PLCL1: variants seen among roughly 807,000 people sequenced by gnomAD.
PLCL1 encodes inactive phospholipase C-like protein 1.
In PLCL1, 41 loss-of-function variants were observed where a neutral mutation model predicts 84.4. The ratio of observed to expected loss-of-function variants is 0.49; its 90% confidence interval spans 0.38 to 0.63. The LOEUF is 0.63. Among genes scored for constraint, PLCL1 ranks in the 30% least tolerant of loss-of-function variants. The pLI is 0.00. For missense variants in PLCL1, 1,206 were observed against 1,367.8 expected (o/e 0.88, Z 1.87); for synonymous variants, 490 against 488.3 (o/e 1.00, Z -0.05).
intron 1 of PLCL1, among the ~76,000 whole-genome samples, chr2:197,827,855 A>G (rs1690966560): frequency 6.6e-6 from 1 of 152,200 alleles, no homozygotes; most frequent in Non-Finnish European, 1.5e-5. Context: ...TCAATGGAAT[A>G]TGATGACTCA....
chr2:198,049,951 A>G (rs574959040), intron 1 of PLCL1, among the ~76,000 whole-genome samples: 1 of 152,234 alleles, frequency 6.6e-6, no homozygotes, highest in Non-Finnish European at 1.5e-5. Context: ...GGGCACATCT[A>G]TCACCCATGG....
chr2:197,858,756 T>A (rs1687377021), intron 1 of PLCL1, among the ~76,000 whole-genome samples: 2 of 152,176 alleles, frequency 1.3e-5, no homozygotes, highest in African/African-American at 4.8e-5. Flanking sequence ...GTAACTATTT[T>A]ATTTGTTCAC....
chr2:197,941,244 C>T (rs1689152815), intron 1 of PLCL1, among the ~76,000 whole-genome samples: 1 of 151,860 alleles, frequency 6.6e-6, no homozygotes, highest in Non-Finnish European at 1.5e-5. Context: ...ACCTGGGAAG[C>T]AAGTGCCCCC....
intron 1 of PLCL1, among the ~76,000 whole-genome samples, chr2:197,976,878 T>C (rs1689992017): frequency 6.6e-6 from 1 of 152,234 alleles, no homozygotes; most frequent in Admixed American, 6.5e-5. Flanking sequence ...TCTGCCTCTT[T>C]GCAATCTTCT....
chr2:198,132,748 GT>G (rs1464030113), intron 5 of PLCL1, among the ~76,000 whole-genome samples: 1 of 152,006 alleles, frequency 6.6e-6, no homozygotes, highest in Non-Finnish European at 1.5e-5. Flanking sequence ...AGATGAGTAG[GT>G]TGCGAAAATT....
chr2:197,864,943 C>G lies in PLCL1; in HGVS notation c.240+59604C>G, dbSNP rs1474495469. Among the ~76,000 whole-genome samples the G allele has an allele frequency of 2.0e-5, 3 of 152,268 alleles. No homozygotes were observed. The East Asian group carries it at 5.8e-4, about 29-fold the overall frequency. On this transcript the variant is annotated intron_variant, in intron 1 of 5. Transcript: ENST00000428675. ...TGAATGCTCTTAATACTAATTTCACCTTGATCTAAGCCACTTTATATTAAA... is the reference window on the plus strand; with the variant it reads ...TGAATGCTCTTAATACTAATTTCACGTTGATCTAAGCCACTTTATATTAAA...
intron 1 of PLCL1, among the ~76,000 whole-genome samples, chr2:197,870,429 A>G (rs1205733838): frequency 1.3e-5 from 2 of 151,824 alleles, no homozygotes; most frequent in East Asian, 3.9e-4. Context: ...AGTCCCACCC[A>G]CCCAAGACCC....
intron 1 of PLCL1, among the ~76,000 whole-genome samples, chr2:197,948,501 G>A (rs912642004): frequency 1.1e-4 from 16 of 151,890 alleles, no homozygotes; most frequent in Non-Finnish European, 1.3e-4. Flanking sequence ...CCTGTAATGT[G>A]TGGCTTAATT....
chr2:197,939,724 T>A (rs1689120312), intron 1 of PLCL1, among the ~76,000 whole-genome samples: 1 of 150,468 alleles, frequency 6.6e-6, no homozygotes, highest in Admixed American at 6.7e-5. Context: ...AGACTTTTTT[T>A]TTTTTTTTTT....
chr2:197,989,815 T>G (rs901959332), intron 1 of PLCL1, among the ~76,000 whole-genome samples: 9 of 152,226 alleles, frequency 5.9e-5, no homozygotes, highest in Admixed American at 1.3e-4. Context: ...GAAAACAGCT[T>G]GCTCAGGAGA....
chr2:197,920,020 C>T (rs1250412311), intron 1 of PLCL1, among the ~76,000 whole-genome samples: 2 of 152,014 alleles, frequency 1.3e-5, no homozygotes, highest in African/African-American at 2.4e-5. Context: ...TAATGCCTAG[C>T]CATAGGGTGG....
chr2:198,093,434 A>G (rs1693102030), intron 3 of PLCL1, among the ~76,000 whole-genome samples: 1 of 152,168 alleles, frequency 6.6e-6, no homozygotes, highest in South Asian at 2.1e-4. Flanking sequence ...TTTACTTTTT[A>G]TGCAAACTTG....
At chr2:197,956,781 T>C (rs760836427) in intron 1 of PLCL1, among the ~76,000 whole-genome samples, 16 of 152,268 alleles carry the variant, frequency 1.1e-4, no homozygotes, top group Non-Finnish European at 2.2e-4. Context: ...TGTTTTTTTC[T>C]TGTAAATTTG....
intron 1 of PLCL1, among the ~76,000 whole-genome samples, chr2:198,034,523 C>T (rs566357242): frequency 2.6e-5 from 4 of 152,290 alleles, no homozygotes; most frequent in East Asian, 3.9e-4. Flanking sequence ...GGCACATATA[C>T]ACCATGAAAT....
intron 1 of PLCL1, among the ~76,000 whole-genome samples, chr2:197,822,995 C>T (rs1384491091): frequency 1.3e-5 from 2 of 152,138 alleles, no homozygotes; most frequent in Non-Finnish European, 1.5e-5. Flanking sequence ...TGTATAAAGC[C>T]GTTGTACTTT....
chr2:197,914,113 G>A lies in PLCL1; in HGVS notation c.240+108774G>A, dbSNP rs139140725. On this transcript the variant is annotated intron_variant, in intron 1 of 5. Transcript: ENST00000428675. ...GATAGTGTGGTCTTTCTGATTAAAT[G>A]TTAGCTAACCATCCCAGGAGTATGG... Among the ~76,000 whole-genome samples the A allele has an allele frequency of 4.7e-3, 715 of 152,222 alleles. 3 individuals are homozygous for A. The highest frequency in any genetic ancestry group is 0.016 in the African/African-American group (673 of 41,528).
At chr2:197,838,042 TA>T (rs1244107099) in intron 1 of PLCL1, among the ~76,000 whole-genome samples, 1 of 152,218 alleles carries the variant, frequency 6.6e-6, no homozygotes, top group Non-Finnish European at 1.5e-5. Flanking sequence ...ATGTGGTGTA[TA>T]AAGTTTCTTT....
chr2:197,963,778 G>A (rs1375432699), intron 1 of PLCL1, among the ~76,000 whole-genome samples: 2 of 151,998 alleles, frequency 1.3e-5, no homozygotes, highest in Non-Finnish European at 2.9e-5. Context: ...TGAGAGATAG[G>A]GATCTAATTT....
At chr2:197,810,330 G>A in intron 1 of PLCL1, 1 of 1,172,538 alleles carries the variant, frequency 8.5e-7, no homozygotes, top group Non-Finnish European at 1.1e-6. Context: ...CAGGTAAAGA[G>A]CTTTGTCTTA....
Sources: gnomAD v4.1 joint callset for allele counts (sites outside exome capture counted in the v4.1 genomes callset) on GRCh38, gnomAD v4.1.1 for gene constraint, MANE v1.5 for transcripts, NCBI Gene and HGNC (gene_info 2026-07-23, HGNC 2026-07-21) for gene names.